SGO2: variants seen among roughly 807,000 people sequenced by gnomAD.
SGO2 encodes shugoshin-like 2.
A neutral mutation model predicts 99.5 loss-of-function variants in SGO2; 68 were observed. The ratio of observed to expected loss-of-function variants is 0.68; its 90% CI spans 0.56 to 0.84. The LOEUF is 0.84. Among genes scored for constraint, SGO2 ranks in the 40% least tolerant of loss-of-function variants. The probability of loss-of-function intolerance (pLI) is 0.00; values close to 1 mark genes in which losing one functional copy is unlikely to be tolerated. For missense variants in SGO2, 1,350 were observed against 1,436.7 expected (o/e 0.94, Z 0.97); for synonymous variants, 457 against 487.1 (o/e 0.94, Z 0.81).
At chr2:200,533,547 G>GTGTGTGTGTATA (rs1396628320) in intron 2 of SGO2, among the ~76,000 whole-genome samples, 171 of 143,042 alleles carry the variant, frequency 1.2e-3, no homozygotes, top group South Asian at 2.2e-3. Context: ...GTGTGTGTGT[G>GTGTGTGTGTATA]TATACATGTG....
At chr2:200,549,314 G>A (rs766588553) in intron 5 of SGO2, among the ~76,000 whole-genome samples, 28 of 152,196 alleles carry the variant, frequency 1.8e-4, no homozygotes, top group East Asian at 1.2e-3. Flanking sequence ...TGATGGATTC[G>A]CTGCTGAATT....
Position 200,571,544 on chromosome 2 carries a change from A to G in SGO2, c.1198A>G (p.Lys400Glu). The G allele has an allele frequency of 6.2e-7, 1 of 1,612,646 alleles. No homozygotes were observed. Among genetic ancestry groups the G allele is most frequent in the Non-Finnish European group, 8.5e-7 (1 of 1,179,606 alleles). Residue 400 changes from lysine to glutamate, a missense_variant, in exon 7 of 9, where the codon AAA (lysine) becomes GAA (glutamate). Physicochemically the swap from Lys to Glu is moderately conservative, Grantham distance 56. Transcript: ENST00000357799. ...TNEHGMKTFR[K>E]VKDSSSEKKR... is the part of the protein sequence containing the mutation. ...TGAACATGGAATGAAAACTTTCAGA[A>G]AAGTGAAAGATTCCAGCTCTGAAAA...
intron 2 of SGO2, 86 bp from the exon 3 acceptor site, chr2:200,534,910 G>C: frequency 1.2e-6 from 1 of 861,006 alleles, no homozygotes. Flanking sequence ...CTTGTGAAAT[G>C]CATTTTGTCT....
intron 5 of SGO2, among the ~76,000 whole-genome samples, chr2:200,563,041 T>A (rs190162261): frequency 0.012 from 1,896 of 152,306 alleles, 21 homozygotes; most frequent in Middle Eastern, 0.02. Context: ...CCTAATTGAA[T>A]ACCCTGTATT....
In SGO2 at chr2:200,573,514, C is replaced by T; in HGVS notation, c.3168C>T (p.Leu1056=). 6.2e-7 allele frequency: 1 copy of T among 1,612,156 alleles called. No individual in the cohort carries two copies. The highest frequency in any genetic ancestry group is 1.1e-5 in the South Asian group (1 of 90,594). ...CTACCACTTTGAATAAAAAAGATCT[C>T]CCTTTTGTGGAAGAAATAAAAGAAG... ...QSTTTLNKKD[L]PFVEEIKEGE... Residue 1056 remains leucine, a synonymous_variant, in exon 7 of 9, where the codon CTC becomes CTT. Transcript: ENST00000357799.
chr2:200,556,157 G>A (rs2032705587), intron 5 of SGO2, among the ~76,000 whole-genome samples: 1 of 152,098 alleles, frequency 6.6e-6, no homozygotes, highest in South Asian at 2.1e-4. Context: ...TAGAGATGGG[G>A]TTTCATCATT....
Position 200,569,774 on chromosome 2 carries a change from A to G in SGO2, c.585A>G (p.Thr195=), listed in dbSNP as rs1429300886. The G allele has an allele frequency of 1.2e-6, 2 of 1,612,382 alleles. No individual in the cohort carries two copies. Among genetic ancestry groups the G allele is most frequent in the Admixed American group, 1.7e-5 (1 of 59,990 alleles). The change falls in exon 6 of 9, where the codon ACA becomes ACG. Residue 195 remains threonine, a synonymous_variant. Coordinates refer to ENST00000357799, the MANE Select transcript of SGO2 (RefSeq NM_152524.6). ...LPDIPSSGST[T]QPLSTQDNSE... ...ATATTCCCTCTTCAGGATCAACAAC[A>G]CAACCTTTATCAACTCAGGATAATT...
intron 1 of SGO2, among the ~76,000 whole-genome samples, chr2:200,532,629 A>C (rs1574832294): frequency 6.6e-6 from 1 of 152,072 alleles, no homozygotes; most frequent in Non-Finnish European, 1.5e-5. Context: ...AACTCTGTGT[A>C]TATCTCTAAG....
chr2:200,559,641 G>A lies in SGO2; in HGVS notation c.474-10022G>A, dbSNP rs564403201. Among the ~76,000 whole-genome samples the A allele has an allele frequency of 1.1e-4, 16 of 152,138 alleles. No homozygotes were observed. In the South Asian group the frequency reaches 3.1e-3, roughly 30 times the overall value. Reference sequence around the variant, plus strand: ...TGATGAGTTCTCGTTGCCCAAGCTGGACTTGATTTCCTAGGTTCAAATGAT... The same window carrying A: ...TGATGAGTTCTCGTTGCCCAAGCTGAACTTGATTTCCTAGGTTCAAATGAT... On this transcript the variant is annotated intron_variant, in intron 5 of 8. Transcript: ENST00000357799.
chr2:200,573,278 G>T lies in SGO2; in HGVS notation c.2932G>T (p.Asp978Tyr). 1 of 1,601,646 alleles carries T rather than the reference G, an allele frequency of 6.2e-7. No homozygotes were observed. Among genetic ancestry groups the T allele is most frequent in the Non-Finnish European group, 8.5e-7 (1 of 1,176,640 alleles). ...NEKESCDQIL[D>Y]SYKVVKKRKK... ...AAAGGAAAGTTGTGATCAAATTTTA[G>T]ATTCCTACAAAGTAGTTAAAAAACG... Residue 978 changes from aspartate (D) to tyrosine (Y), a missense_variant, in exon 7 of 9, where the codon GAT becomes TAT. By Grantham distance (160) the Asp-to-Tyr change is radical. Coordinates refer to ENST00000357799, the MANE Select transcript of SGO2 (RefSeq NM_152524.6).
intron 7 of SGO2, 123 bp downstream of exon 7, chr2:200,574,100 A>G (rs1439094993): frequency 1.5e-6 from 1 of 678,454 alleles, no homozygotes. Context: ...AAAACAATAT[A>G]TAACTGAGTA....
At chr2:200,542,713 TA>T in intron 5 of SGO2, 49 bp downstream of exon 5, 1 of 1,464,906 alleles carries the variant, frequency 6.8e-7, no homozygotes, top group Non-Finnish European at 9.5e-7. Context: ...AGATTTTATA[TA>T]ACACAATTAG....
Position 200,584,024 on chromosome 2 carries a change from G to T in SGO2, c.*560G>T, listed in dbSNP as rs1201910630. ...AACCTTTCAGGCTCTTTTGAATTTG[G>T]TTTTTATAATTTGGTTTTAAAGATC... On this transcript the variant is annotated 3_prime_UTR_variant, in exon 9 of 9. Transcript: ENST00000357799. Among the ~76,000 whole-genome samples, 1 of 152,026 alleles carries T rather than the reference G, an allele frequency of 6.6e-6. No homozygotes were observed. Among genetic ancestry groups the T allele is most frequent in the Non-Finnish European group, 1.5e-5 (1 of 68,002 alleles).
chr2:200,543,497 T>C (rs1363346611), intron 5 of SGO2: 1 of 152,222 alleles, frequency 6.6e-6, no homozygotes, highest in Non-Finnish European at 1.5e-5. Flanking sequence ...AATCCTGTTG[T>C]CTCTTTTAGA....
chr2:200,581,822 A>G (rs1220602397), intron 8 of SGO2, among the ~76,000 whole-genome samples: 1 of 152,230 alleles, frequency 6.6e-6, no homozygotes, highest in Non-Finnish European at 1.5e-5. Flanking sequence ...TTAAACTAAA[A>G]TAGAACCTTA....
rs1235409945 is a variant in SGO2 at position 200,534,562 on chromosome 2, C to T, written c.134-434C>T. The stretch of plus-strand genomic sequence containing the variant: ...TCAGTTCTGGAGCTGTAGAAGCTGG[C>T]TTTAGAATTTTCCCAGATTGGCTAC... On this transcript the variant is annotated intron_variant, in intron 2 of 8. Transcript: ENST00000357799. Among the ~76,000 whole-genome samples the T allele has an allele frequency of 3.9e-5, 6 of 152,132 alleles. 1 individual carries two copies. The highest frequency in any genetic ancestry group is 8.8e-5 in the Non-Finnish European group (6 of 68,014).
At chr2:200,579,932 A>G (rs2033784324) in intron 8 of SGO2, among the ~76,000 whole-genome samples, 2 of 152,250 alleles carry the variant, frequency 1.3e-5, no homozygotes, top group South Asian at 4.1e-4. Flanking sequence ...TTTATAGTGC[A>G]TTATAATTTA....
chr2:200,575,253 C>A lies in SGO2; in HGVS notation c.3632-58C>A, dbSNP rs2033610513. On this transcript the variant is annotated intron_variant, in intron 7 of 8. Coordinates refer to ENST00000357799, the MANE Select transcript of SGO2 (RefSeq NM_152524.6). ...TTGCAGACCACTATATAGCTCATATCTATTTGTATCTCTATATACTTTTTA... is the reference window on the plus strand; with the variant it reads ...TTGCAGACCACTATATAGCTCATATATATTTGTATCTCTATATACTTTTTA... 8 of 1,087,014 alleles carry A rather than the reference C, an allele frequency of 7.4e-6. No homozygotes were observed. The South Asian group carries it at 1.9e-4, about 26-fold the overall frequency. The allele number at this position is 1,087,014 out of a possible 1,614,324, so 67.3% of individuals were successfully genotyped here. A position where few individuals can be genotyped will look rare whatever the true frequency, so the allele number is the denominator to read the frequency against.
At chr2:200,559,780 A>AT (rs2032870309) in intron 5 of SGO2, among the ~76,000 whole-genome samples, 2 of 151,700 alleles carry the variant, frequency 1.3e-5, no homozygotes, top group Non-Finnish European at 2.9e-5. Flanking sequence ...TTTTTTCCTG[A>AT]TTTTTTATTT....
Sources: gnomAD v4.1 joint callset for allele counts (sites outside exome capture counted in the v4.1 genomes callset) on GRCh38, gnomAD v4.1.1 for gene constraint, MANE v1.5 for transcripts, NCBI Gene and HGNC (gene_info 2026-07-23, HGNC 2026-07-21) for gene names.